Variants in GRM7 observed in about 807,000 individuals in gnomAD.
GRM7 encodes metabotropic glutamate receptor 7.
A neutral mutation model predicts 84.5 loss-of-function variants in GRM7; 35 were observed. The observed-to-expected ratio is 0.41, with a 90% CI of 0.32 to 0.55. The LOEUF (loss-of-function observed/expected upper bound fraction) is 0.55, where lower values mean the gene tolerates loss of function less well. GRM7 is among the 20% of genes least tolerant of loss of function. The pLI is 0.19. For missense variants in GRM7, 1,003 were observed against 1,194.6 expected, an observed-to-expected ratio of 0.84 and a Z score of 2.36; for synonymous variants, 487 against 455.1, an observed-to-expected ratio of 1.07 and a Z score of -0.89.
chr3:7,479,174 G>A (rs763518784), intron 7 of GRM7, among the ~76,000 whole-genome samples: 13 of 152,064 alleles, frequency 8.5e-5, no homozygotes, highest in Admixed American at 1.3e-4. Flanking sequence ...AGGCAAGAAA[G>A]GGAAAGAGGC....
At chr3:7,177,122 C>CT (rs35039009) in intron 2 of GRM7, among the ~76,000 whole-genome samples, 48,428 of 151,320 alleles carry the variant, frequency 0.32, 7,852 homozygotes, top group African/African-American at 0.35. Context: ...CTAACTCTGC[C>CT]TTTTTTTTTA....
chr3:7,203,916 A>G (rs948110242), intron 2 of GRM7, among the ~76,000 whole-genome samples: 4 of 152,206 alleles, frequency 2.6e-5, no homozygotes, highest in African/African-American at 9.7e-5. Flanking sequence ...TCTAGAGAAG[A>G]TGAAAATTTA....
intron 4 of GRM7, among the ~76,000 whole-genome samples, chr3:7,389,212 G>T (rs1415183402): frequency 1.3e-5 from 2 of 151,994 alleles, no homozygotes; most frequent in Non-Finnish European, 2.9e-5. Flanking sequence ...TATTGATTTT[G>T]GTATTTATTG....
At chr3:7,596,475 C>T (rs534183510) in intron 8 of GRM7, among the ~76,000 whole-genome samples, 1 of 151,872 alleles carries the variant, frequency 6.6e-6, no homozygotes, top group Non-Finnish European at 1.5e-5. Flanking sequence ...AAGAATGATG[C>T]CCAAGATACT....
intron 8 of GRM7, among the ~76,000 whole-genome samples, chr3:7,625,002 C>T (rs979042848): frequency 1.3e-5 from 2 of 152,136 alleles, no homozygotes; most frequent in African/African-American, 2.4e-5. Context: ...AATAGCAATG[C>T]TAATATGCTT....
intron 8 of GRM7, among the ~76,000 whole-genome samples, chr3:7,637,444 G>A (rs138663687): frequency 2.6e-4 from 39 of 152,308 alleles, no homozygotes; most frequent in African/African-American, 9.1e-4. Context: ...TGTCATTCAG[G>A]ACGGATCGCA....
intron 1 of GRM7, among the ~76,000 whole-genome samples, chr3:6,872,279 T>C (rs1222247530): frequency 1.3e-5 from 2 of 152,148 alleles, no homozygotes; most frequent in Non-Finnish European, 2.9e-5. Context: ...AACTCTATTA[T>C]ATGAGGCAAA....
At chr3:7,161,598 T>C (rs996790872) in intron 2 of GRM7, among the ~76,000 whole-genome samples, 5 of 152,192 alleles carry the variant, frequency 3.3e-5, no homozygotes, top group African/African-American at 1.2e-4. Context: ...ATTAAATCTA[T>C]AAACATTAGC....
intron 4 of GRM7, among the ~76,000 whole-genome samples, chr3:7,327,652 G>C (rs1000126241): frequency 4.6e-5 from 7 of 152,168 alleles, no homozygotes; most frequent in African/African-American, 1.7e-4. Flanking sequence ...AAGGCAGTTG[G>C]ATGACTTGAT....
intron 1 of GRM7, among the ~76,000 whole-genome samples, chr3:7,103,854 C>CTCTGTCTCTCTCTCTCTCTCTT (rs1699209352): frequency 1.6e-5 from 2 of 123,580 alleles, no homozygotes; most frequent in African/African-American, 7.3e-5. Flanking sequence ...CTCTCTCTCT[C>CTCTGTCTCTCTCTCTCTCTCTT]TCTTTCTTTC....
At chr3:6,965,908 C>T (rs142216964) in intron 1 of GRM7, among the ~76,000 whole-genome samples, 155 of 152,182 alleles carry the variant, frequency 1.0e-3, no homozygotes, top group African/African-American at 3.5e-3. Context: ...GTTCCACAAA[C>T]AAGGCACACT....
chr3:7,360,595 A>G (rs1304424082), intron 4 of GRM7, among the ~76,000 whole-genome samples: 2 of 152,148 alleles, frequency 1.3e-5, no homozygotes, highest in Non-Finnish European at 2.9e-5. Flanking sequence ...ATTACAGTCC[A>G]GCTGTGACCA....
At chr3:7,444,740 A>G (rs1320562756) in intron 5 of GRM7, among the ~76,000 whole-genome samples, 1 of 152,174 alleles carries the variant, frequency 6.6e-6, no homozygotes, top group Non-Finnish European at 1.5e-5. Context: ...CACTGCATGT[A>G]TCTTTCCTTG....
intron 8 of GRM7, among the ~76,000 whole-genome samples, chr3:7,589,781 ACAAT>A (rs1695692255): frequency 6.6e-6 from 1 of 152,198 alleles, no homozygotes; most frequent in South Asian, 2.1e-4. Context: ...GGTGACACTG[ACAAT>A]CAGTCTAGCT....
chr3:7,075,501 T>C (rs1357757973), intron 1 of GRM7, among the ~76,000 whole-genome samples: 2,370 of 55,816 alleles, frequency 0.042, 70 homozygotes, highest in African/African-American at 0.12. Context: ...CTCAGATGTG[T>C]GTGTGTGTGT....
intron 4 of GRM7, among the ~76,000 whole-genome samples, chr3:7,367,149 G>T (rs78281095): frequency 1 from 151,972 of 151,972 alleles, 75,986 homozygotes; most frequent in Non-Finnish European, 1. Flanking sequence ...TGATGTATGG[G>T]TTCCATATTC....
chr3:7,246,269 A>G (rs1447274028), intron 2 of GRM7, among the ~76,000 whole-genome samples: 2 of 152,138 alleles, frequency 1.3e-5, no homozygotes, highest in Non-Finnish European at 2.9e-5. Context: ...GTGGCTCCAG[A>G]TTAGCCTATT....
At chr3:7,167,157 A>T (rs79503060) in intron 2 of GRM7, among the ~76,000 whole-genome samples, 6,534 of 152,308 alleles carry the variant, frequency 0.043, 207 homozygotes, top group Middle Eastern at 0.075. Flanking sequence ...CCTCATCAGC[A>T]CTCTAAGCAA....
chr3:7,234,649 AT>A (rs2124907156), intron 2 of GRM7, among the ~76,000 whole-genome samples: 1 of 152,178 alleles, frequency 6.6e-6, no homozygotes, highest in South Asian at 2.1e-4. Context: ...AAAGAGTTGC[AT>A]TTTTTCAGAT....
Sources: gnomAD v4.1 joint callset for allele counts (sites outside exome capture counted in the v4.1 genomes callset) on GRCh38, gnomAD v4.1.1 for gene constraint, MANE v1.5 for transcripts, NCBI Gene and HGNC (gene_info 2026-07-23, HGNC 2026-07-21) for gene names.